The following CNTN1 variants were observed in gnomAD, a reference collection of about 807,000 sequenced individuals.
The protein encoded by CNTN1 is contactin-1.
CNTN1 carries 38 observed loss-of-function variants against 126.4 expected under a neutral mutation model. That is an observed-to-expected ratio of 0.30 (90% CI 0.23 to 0.39). The LOEUF is 0.39. Ranked by LOEUF, CNTN1 falls within the 10% of genes least tolerant of loss-of-function variation. CNTN1 has a pLI of 1.00. For synonymous variants in CNTN1, 413 were observed against 422.6 expected (o/e 0.98, Z 0.28); for missense variants, 1,009 against 1,248.4 (o/e 0.81, Z 2.89).
At chr12:40,949,311 T>C (rs973496407) in intron 14 of CNTN1, among the ~76,000 whole-genome samples, 2 of 151,030 alleles carry the variant, frequency 1.3e-5, no homozygotes, top group Non-Finnish European at 3.0e-5. Flanking sequence ...AGTTTTAGGG[T>C]ACATGTGCAC....
chr12:40,915,443 G>A (rs11179030), intron 3 of CNTN1, among the ~76,000 whole-genome samples: 63,152 of 151,872 alleles, frequency 0.42, 13,419 homozygotes, highest in African/African-American at 0.5. Flanking sequence ...AGGGCTGTCT[G>A]TTTCTACATT....
At chr12:40,912,735 C>A (rs1265911448) in intron 3 of CNTN1, among the ~76,000 whole-genome samples, 2 of 151,868 alleles carry the variant, frequency 1.3e-5, no homozygotes, top group African/African-American at 4.8e-5. Context: ...TATATTTTTT[C>A]AACTAGACTC....
chr12:40,889,143 A>G (rs930427184), intron 1 of CNTN1, among the ~76,000 whole-genome samples: 2 of 152,240 alleles, frequency 1.3e-5, no homozygotes, highest in African/African-American at 4.8e-5. Flanking sequence ...TCCTATCTGT[A>G]TACCTGTATT....
chr12:40,959,318 C>T, intron 15 of CNTN1, 84 bp downstream of exon 15: 1 of 1,401,508 alleles, frequency 7.1e-7, no homozygotes, highest in Non-Finnish European at 1.0e-6. Flanking sequence ...AACTCTGGTG[C>T]AAATTCTTAC....
intron 17 of CNTN1, among the ~76,000 whole-genome samples, chr12:40,999,131 T>C (rs973271275): frequency 6.6e-6 from 1 of 152,152 alleles, no homozygotes; most frequent in Non-Finnish European, 1.5e-5. Flanking sequence ...AGAATAGTCA[T>C]GGCATTGGCT....
intron 23 of CNTN1, among the ~76,000 whole-genome samples, chr12:41,065,296 C>A (rs1390771927): frequency 2.0e-5 from 3 of 152,190 alleles, no homozygotes; most frequent in Non-Finnish European, 2.9e-5. Flanking sequence ...ACCTTGTGAT[C>A]CACCCGCCTG....
intron 20 of CNTN1, 47 bp downstream of exon 20, chr12:41,020,487 T>G (rs373693793): frequency 1.2e-5 from 14 of 1,200,416 alleles, no homozygotes; most frequent in Non-Finnish European, 1.7e-5. Flanking sequence ...CATAAATATA[T>G]AAGCATACGT....
In CNTN1 at chr12:40,908,338, C is replaced by G. The variant is rs2136808960; in HGVS notation, c.-76-19C>G. On this transcript the variant is annotated intron_variant, in intron 1 of 23. Coordinates refer to ENST00000551295, the MANE Select transcript of CNTN1 (RefSeq NM_001843.4). ...TCCTTCTAATTCTTTCCTTCTTCTT[C>G]TTTTCTTTCTTGATGCAGGTGTTTA... is the stretch of plus-strand genomic sequence containing the variant. 2 of 859,182 alleles carry G rather than the reference C, an allele frequency of 2.3e-6. No homozygotes were observed. Among genetic ancestry groups the G allele is most frequent in the Non-Finnish European group, 1.9e-6 (1 of 517,154 alleles). 53.2% of individuals were successfully genotyped at this position (859,182 alleles called of 1,614,324 possible).
At chr12:40,796,303 A>G (rs901156699) in intron 1 of CNTN1, among the ~76,000 whole-genome samples, 1 of 151,998 alleles carries the variant, frequency 6.6e-6, no homozygotes, top group Non-Finnish European at 1.5e-5. Flanking sequence ...CCATTAACCA[A>G]CTTCAAGTCA....
Position 40,747,337 on chromosome 12 carries a change from G to A in CNTN1, c.-77+54745G>A, listed in dbSNP as rs1183047968. ...TGTGTGTGTGTGTGTGTGTGTTAGT[G>A]ACTATTTTAGATAAGGTGGTCAGAG... On this transcript the variant is annotated intron_variant, in intron 1 of 23. Coordinates refer to ENST00000551295, the MANE Select transcript of CNTN1 (RefSeq NM_001843.4). Among the ~76,000 whole-genome samples, 3 of 150,612 alleles carry A rather than the reference G, an allele frequency of 2.0e-5. No homozygotes were observed. The East Asian group carries it at 5.8e-4, about 29-fold the overall frequency.
At chr12:40,705,942 G>A (rs1031059179) in intron 1 of CNTN1, among the ~76,000 whole-genome samples, 1 of 151,924 alleles carries the variant, frequency 6.6e-6, no homozygotes, top group African/African-American at 2.4e-5. Context: ...TCACTGTCTT[G>A]AGACAGCAGC....
intron 23 of CNTN1, among the ~76,000 whole-genome samples, chr12:41,043,470 A>G (rs1404962467): frequency 2.0e-5 from 3 of 152,204 alleles, no homozygotes; most frequent in African/African-American, 7.2e-5. Flanking sequence ...CACCAGTTAG[A>G]ATGGTGATCA....
chr12:40,828,483 T>C (rs189345635), intron 1 of CNTN1, among the ~76,000 whole-genome samples: 46 of 152,226 alleles, frequency 3.0e-4, no homozygotes, highest in Admixed American at 5.2e-4. Flanking sequence ...TATTGGACCA[T>C]AGGGTATTTT....
intron 1 of CNTN1, among the ~76,000 whole-genome samples, chr12:40,803,006 G>C (rs1940713322): frequency 1.3e-5 from 2 of 151,960 alleles, no homozygotes; most frequent in Admixed American, 1.3e-4. Flanking sequence ...TTGGAGAAAT[G>C]CTTTAGAGTC....
At chr12:40,871,186 G>GGAA (rs1943476636) in intron 1 of CNTN1, among the ~76,000 whole-genome samples, 1 of 113,510 alleles carries the variant, frequency 8.8e-6, no homozygotes, top group Non-Finnish European at 2.0e-5. Context: ...CTGTTACAGA[G>GGAA]AAAAAAAAAA....
chr12:40,718,351 T>C (rs1942101340), intron 1 of CNTN1, among the ~76,000 whole-genome samples: 1 of 152,092 alleles, frequency 6.6e-6, no homozygotes, highest in African/African-American at 2.4e-5. Flanking sequence ...TTTTTTCTTT[T>C]TTGTATTTTA....
intron 1 of CNTN1, among the ~76,000 whole-genome samples, chr12:40,755,927 G>A (rs1043866147): frequency 2.6e-5 from 4 of 152,074 alleles, no homozygotes; most frequent in Non-Finnish European, 5.9e-5. Flanking sequence ...AGAAGAATGG[G>A]AGCAATGAAT....
chr12:41,041,700 C>A (rs530532201), intron 23 of CNTN1, among the ~76,000 whole-genome samples: 2 of 151,978 alleles, frequency 1.3e-5, no homozygotes, highest in Non-Finnish European at 2.9e-5. Flanking sequence ...AGTTTATTTG[C>A]GTAGAGGTGT....
chr12:41,061,765 G>C (rs1462142028), intron 23 of CNTN1: 1 of 455,398 alleles, frequency 2.2e-6, no homozygotes, highest in Admixed American at 2.4e-5. Context: ...TTTACAGAAG[G>C]AAAATCCACA....
Sources: gnomAD v4.1 joint callset for allele counts (sites outside exome capture counted in the v4.1 genomes callset) on GRCh38, gnomAD v4.1.1 for gene constraint, MANE v1.5 for transcripts, NCBI Gene and HGNC (gene_info 2026-07-23, HGNC 2026-07-21) for gene names.